Variants in GALNT17 observed in about 807,000 individuals in gnomAD.
GALNT17 encodes polypeptide N-acetylgalactosaminyltransferase 17.
A neutral mutation model predicts 63.7 loss-of-function variants in GALNT17; 29 were observed. The observed-to-expected ratio is 0.46, with a 90% confidence interval of 0.34 to 0.62. GALNT17 has a LOEUF of 0.62. Ranked by LOEUF, GALNT17 falls within the 20% of genes least tolerant of loss-of-function variation. GALNT17 has a pLI of 0.01. For missense variants in GALNT17, 603 were observed against 799.6 expected (o/e 0.75, Z 2.97); for synonymous variants, 305 against 318.3 (o/e 0.96, Z 0.45).
At chr7:71,427,870 G>T (rs1278231252) in intron 5 of GALNT17, among the ~76,000 whole-genome samples, 1 of 152,118 alleles carries the variant, frequency 6.6e-6, no homozygotes, top group Non-Finnish European at 1.5e-5. Flanking sequence ...ATTGTGAATT[G>T]CGCGTGTGAA....
intron 1 of GALNT17, among the ~76,000 whole-genome samples, chr7:71,190,555 TTCATAAATTACCCAGTCTCGG>T: frequency 1.3e-5 from 2 of 152,120 alleles, no homozygotes; most frequent in Non-Finnish European, 2.9e-5. Context: ...ATCTCTTTTC[TTCATAAATTACCCAGTCTCGG>T]GTATTTGTTT....
chr7:71,143,837 C>T (rs890102373), intron 1 of GALNT17, among the ~76,000 whole-genome samples: 35 of 151,170 alleles, frequency 2.3e-4, no homozygotes, highest in Non-Finnish European at 3.1e-4. Flanking sequence ...CCTGGGAGTT[C>T]GAGACCAGCC....
intron 5 of GALNT17, among the ~76,000 whole-genome samples, chr7:71,513,316 A>G (rs1788393136): frequency 6.6e-6 from 1 of 152,094 alleles, no homozygotes; most frequent in Non-Finnish European, 1.5e-5. Flanking sequence ...CCCTGCACCC[A>G]TCACCCAGCT....
intron 5 of GALNT17, among the ~76,000 whole-genome samples, chr7:71,520,944 T>C (rs934595245): frequency 6.6e-6 from 1 of 152,142 alleles, no homozygotes; most frequent in South Asian, 2.1e-4. Flanking sequence ...CTGATTCACC[T>C]GTAGTAGAAT....
intron 9 of GALNT17, among the ~76,000 whole-genome samples, chr7:71,702,061 T>C (rs1423949899): frequency 6.6e-6 from 1 of 151,624 alleles, no homozygotes; most frequent in African/African-American, 2.4e-5. Flanking sequence ...TACCACATGT[T>C]CTCACTTATA....
chr7:71,686,207 G>C (rs928224680), intron 9 of GALNT17, among the ~76,000 whole-genome samples: 2 of 151,928 alleles, frequency 1.3e-5, no homozygotes, highest in African/African-American at 4.8e-5. Flanking sequence ...CGCCTGCCTA[G>C]GCCTCCCAAA....
At chr7:71,417,774 G>A (rs1039300105) in intron 4 of GALNT17, among the ~76,000 whole-genome samples, 57 of 152,186 alleles carry the variant, frequency 3.7e-4, no homozygotes, top group African/African-American at 1.3e-3. Flanking sequence ...TTGCCTCCTC[G>A]TTTCTTTCCT....
chr7:71,575,452 C>T (rs909942606), intron 6 of GALNT17, among the ~76,000 whole-genome samples: 2 of 151,100 alleles, frequency 1.3e-5, no homozygotes, highest in Non-Finnish European at 2.9e-5. Flanking sequence ...TGCAGTGACG[C>T]GATCTTGGCT....
At chr7:71,337,417 G>T (rs114167541) in intron 2 of GALNT17, among the ~76,000 whole-genome samples, 4 of 152,038 alleles carry the variant, frequency 2.6e-5, no homozygotes, top group African/African-American at 9.7e-5. Flanking sequence ...TTCTTGATAC[G>T]TATTATAATA....
chr7:71,688,239 A>C (rs1484299213), intron 9 of GALNT17, among the ~76,000 whole-genome samples: 2 of 152,202 alleles, frequency 1.3e-5, no homozygotes, highest in African/African-American at 4.8e-5. Context: ...GATAGTGAGA[A>C]TATTAACAGC....
At chr7:71,662,362 CATCT>C (rs955410030) in intron 6 of GALNT17, among the ~76,000 whole-genome samples, 5 of 152,018 alleles carry the variant, frequency 3.3e-5, no homozygotes, top group Admixed American at 6.6e-5. Flanking sequence ...GTCTATCTAT[CATCT>C]ATCTATTTTT....
At chr7:71,308,537 C>T (rs1266677411) in intron 1 of GALNT17, among the ~76,000 whole-genome samples, 2 of 152,042 alleles carry the variant, frequency 1.3e-5, no homozygotes, top group African/African-American at 4.8e-5. Context: ...CTTCAGCATC[C>T]TCTCTTTGTT....
intron 5 of GALNT17, among the ~76,000 whole-genome samples, chr7:71,501,435 TA>T (rs1201482688): frequency 6.6e-6 from 1 of 151,898 alleles, no homozygotes; most frequent in Non-Finnish European, 1.5e-5. Flanking sequence ...TGGCTAACTT[TA>T]AAAAAAAGAT....
intron 6 of GALNT17, among the ~76,000 whole-genome samples, chr7:71,592,179 G>A (rs1037977112): frequency 6.6e-6 from 1 of 152,174 alleles, no homozygotes; most frequent in Non-Finnish European, 1.5e-5. Context: ...AGGCTGGAGT[G>A]TGTAAACCAA....
intron 9 of GALNT17, among the ~76,000 whole-genome samples, chr7:71,696,576 G>T (rs558630019): frequency 4.6e-5 from 7 of 152,138 alleles, no homozygotes; most frequent in Non-Finnish European, 1.0e-4. Flanking sequence ...TATTTATCTG[G>T]TTTTTGTTTA....
At chr7:71,207,792 C>T (rs931245805) in intron 1 of GALNT17, among the ~76,000 whole-genome samples, 1 of 152,130 alleles carries the variant, frequency 6.6e-6, no homozygotes, top group Non-Finnish European at 1.5e-5. Flanking sequence ...AGCTCAAACA[C>T]GAGCATCTGT....
chr7:71,324,742 A>G (rs925446563), intron 1 of GALNT17, among the ~76,000 whole-genome samples: 3 of 119,392 alleles, frequency 2.5e-5, no homozygotes, highest in Non-Finnish European at 1.7e-5. Flanking sequence ...TATGAATTTA[A>G]AAATATATGC....
chr7:71,294,849 G>T (rs1791048733), intron 1 of GALNT17, among the ~76,000 whole-genome samples: 1 of 152,028 alleles, frequency 6.6e-6, no homozygotes, highest in Non-Finnish European at 1.5e-5. Flanking sequence ...GAGTTGTTTT[G>T]TTCATTTGCC....
At chr7:71,332,956 G>A (rs933545054) in intron 1 of GALNT17, among the ~76,000 whole-genome samples, 10 of 152,212 alleles carry the variant, frequency 6.6e-5, no homozygotes, top group Non-Finnish European at 1.5e-4. Context: ...CCAAATTGCT[G>A]GGATTACAGG....
Sources: gnomAD v4.1 joint callset for allele counts (sites outside exome capture counted in the v4.1 genomes callset) on GRCh38, gnomAD v4.1.1 for gene constraint, MANE v1.5 for transcripts, NCBI Gene and HGNC (gene_info 2026-07-23, HGNC 2026-07-21) for gene names.